The following TMEM120B variants were observed in gnomAD, a reference collection of about 807,000 sequenced individuals.
TMEM120B encodes transmembrane protein 120B.
A neutral mutation model predicts 55.5 loss-of-function variants in TMEM120B; 31 were observed. The ratio of observed to expected loss-of-function variants is 0.56; its 90% CI spans 0.42 to 0.75. The LOEUF (loss-of-function observed/expected upper bound fraction) is 0.75, where lower values mean the gene tolerates loss of function less well. TMEM120B is among the 30% of genes least tolerant of loss of function. The pLI is 0.00. For synonymous variants in TMEM120B, 203 were observed against 176.3 expected (o/e 1.15, Z -1.20); for missense variants, 399 against 425.5 (o/e 0.94, Z 0.55).
At chr12:121,745,208 C>T (rs183226172) in intron 2 of TMEM120B, among the ~76,000 whole-genome samples, 24 of 152,214 alleles carry the variant, frequency 1.6e-4, no homozygotes, top group African/African-American at 4.6e-4. Context: ...GGTCTTAGAC[C>T]AAGGACCCCT....
intron 2 of TMEM120B, among the ~76,000 whole-genome samples, chr12:121,744,931 C>T (rs1243336742): frequency 1.3e-5 from 2 of 152,202 alleles, no homozygotes; most frequent in African/African-American, 4.8e-5. Context: ...AAAAACACAT[C>T]TTGGTAATGG....
rs1221600183 is a variant in TMEM120B, at chr12:121,746,385, C to T, written c.189-1941C>T. Among the ~76,000 whole-genome samples the T allele has an allele frequency of 2.6e-5, 4 of 152,184 alleles. No homozygotes were observed. In the East Asian group the frequency reaches 5.8e-4, roughly 22 times the overall value. On this transcript the variant is annotated intron_variant, in intron 2 of 11. Coordinates refer to ENST00000449592, the MANE Select transcript of TMEM120B (RefSeq NM_001080825.2). ...TATTTTTAGTAGAGACGGGGTTTCTCCATATTGGTCATGCTGGTCTTGAAC... is the reference window on the plus strand; with the variant it reads ...TATTTTTAGTAGAGACGGGGTTTCTTCATATTGGTCATGCTGGTCTTGAAC...
chr12:121,761,663 T>C lies in TMEM120B; in HGVS notation c.476T>C (p.Val159Ala), dbSNP rs771974631. The change falls in exon 6 of 12, where the codon GTC becomes GCC. Residue 159 changes from valine (V) to alanine (A), a missense_variant. Val to Ala is a moderately conservative substitution (Grantham distance 64). Transcript: ENST00000449592. ...FVLHYRVTDE[V>A]FNFLLVWYYC... ...TCCTTGCACAGGGTGACTGACGAAG[T>C]CTTCAACTTCCTGCTGGTGTGGTAT... The C allele has an allele frequency of 5.6e-6, 9 of 1,613,706 alleles. No homozygotes were observed. In the East Asian group the frequency reaches 1.8e-4, roughly 32 times the overall value.
chr12:121,727,074 AAAAT>A (rs1203011983), intron 1 of TMEM120B, among the ~76,000 whole-genome samples: 1 of 152,050 alleles, frequency 6.6e-6, no homozygotes, highest in Non-Finnish European at 1.5e-5. Context: ...ACCCGGTCTC[AAAAT>A]AAATAGATAC....
At chr12:121,757,520 A>ATTAT (rs1566519981) in intron 5 of TMEM120B, among the ~76,000 whole-genome samples, 2 of 98,474 alleles carry the variant, frequency 2.0e-5, no homozygotes, top group East Asian at 2.7e-4. Flanking sequence ...TATTATTATT[A>ATTAT]TTTATTTTTT....
intron 1 of TMEM120B, among the ~76,000 whole-genome samples, chr12:121,724,615 GTTT>G (rs11321046): frequency 1.5e-5 from 2 of 137,662 alleles, no homozygotes; most frequent in African/African-American, 2.7e-5. Flanking sequence ...TAAAAGTTGT[GTTT>G]TTTTTTTTTT....
rs545925847 is a variant in TMEM120B at position 121,732,330 on chromosome 12, G to A, written c.70-11299G>A. 8.6e-4 allele frequency among the ~76,000 whole-genome samples: 131 copies of A among 152,254 alleles called. 1 individual carries two copies. Among genetic ancestry groups the A allele is most frequent in the African/African-American group, 2.8e-3 (117 of 41,560 alleles). On this transcript the variant is annotated intron_variant, in intron 1 of 11. Transcript: ENST00000449592. Reference sequence around the variant, plus strand: ...CCCCTCACTCCATGTTGTCCTCCTCGTGGCTGGCAAATCCTGAGCCTAGAG... The same window carrying A: ...CCCCTCACTCCATGTTGTCCTCCTCATGGCTGGCAAATCCTGAGCCTAGAG...
chr12:121,737,364 G>C (rs1234553872), intron 1 of TMEM120B, among the ~76,000 whole-genome samples: 2 of 152,222 alleles, frequency 1.3e-5, no homozygotes, highest in East Asian at 3.9e-4. Flanking sequence ...AATTAGCTGG[G>C]TGTGGTTGCA....
At position 121,764,526 on chromosome 12, in the gene TMEM120B, A is replaced by C. The variant is rs563623333; in HGVS notation, c.551+2788A>C. Among the ~76,000 whole-genome samples the C allele has an allele frequency of 1.4e-4, 22 of 151,894 alleles. No homozygotes were observed. The South Asian group carries it at 4.6e-3, about 32-fold the overall frequency. ...ACAAGAGTGAAACTCGGTCTAAAAA[A>C]AAATTAGCCAGGCATGGTGGTGTAC... On this transcript the variant is annotated intron_variant, in intron 6 of 11. Transcript: ENST00000449592.
At chr12:121,763,030 T>A (rs1873729651) in intron 6 of TMEM120B, among the ~76,000 whole-genome samples, 1 of 152,150 alleles carries the variant, frequency 6.6e-6, no homozygotes, top group African/African-American at 2.4e-5. Context: ...TCTCAGTCTC[T>A]TTCCTGCCCT....
intron 8 of TMEM120B, among the ~76,000 whole-genome samples, chr12:121,772,152 G>A (rs1347700410): frequency 7.9e-6 from 1 of 125,932 alleles, no homozygotes; most frequent in East Asian, 2.5e-4. Flanking sequence ...TCTTTCTGAT[G>A]GAGTCTTGCT....
intron 1 of TMEM120B, 22 bp from the exon 2 acceptor site, chr12:121,743,607 C>G: frequency 6.3e-7 from 1 of 1,595,304 alleles, no homozygotes. Flanking sequence ...ACACACCCTC[C>G]CCCGGGTCCC....
At chr12:121,773,633 C>T (rs886301538) in intron 9 of TMEM120B, 120 bp downstream of exon 9, 13 of 699,608 alleles carry the variant, frequency 1.9e-5, no homozygotes, top group African/African-American at 9.5e-5. Flanking sequence ...GCCCTTTATC[C>T]GAAGCGCCTT....
At position 121,776,567 on chromosome 12, in the gene TMEM120B, G is replaced by A. The variant is rs546524276; in HGVS notation, c.*845G>A. 2.0e-5 allele frequency: 3 copies of A among 152,360 alleles called. No individual in the cohort carries two copies. The East Asian group carries it at 5.8e-4, about 29-fold the overall frequency. The allele number at this position is 152,360 out of a possible 1,614,324, so 9.4% of individuals were successfully genotyped here. A position where few individuals can be genotyped will look rare whatever the true frequency, so the allele number is the denominator to read the frequency against. On this transcript the variant is annotated 3_prime_UTR_variant, in exon 12 of 12. Transcript: ENST00000449592. ...GGGTGCCTGGCAGGCTCACCCCCAG[G>A]GGCCGCACCCTGAGGCGGGGTCAGA...
Position 121,771,139 on chromosome 12 carries a change from GC to G in TMEM120B, c.617+170del, listed in dbSNP as rs549547120. 3.9e-3 allele frequency among the ~76,000 whole-genome samples: 593 copies of G among 151,218 alleles called. 6 individuals carry two copies. Among genetic ancestry groups the G allele is most frequent in the African/African-American group, 0.013 (548 of 41,332 alleles). On this transcript the variant is annotated intron_variant, in intron 7 of 11. Transcript: ENST00000449592. ...CGCCGGGCTGCGCGGGCCCCACCCA[GC>G]CCGTGAGGGGTTCTCCAGGGAATGG...
At chr12:121,755,839 T>C (rs1390012441) in intron 5 of TMEM120B, among the ~76,000 whole-genome samples, 4 of 152,170 alleles carry the variant, frequency 2.6e-5, no homozygotes, top group Non-Finnish European at 5.9e-5. Context: ...TTGCTATCAG[T>C]TGGGGCAGTT....
chr12:121,766,591 TG>T (rs1873858943), intron 6 of TMEM120B, among the ~76,000 whole-genome samples: 1 of 152,176 alleles, frequency 6.6e-6, no homozygotes, highest in Non-Finnish European at 1.5e-5. Flanking sequence ...GGTGACCTAC[TG>T]ATCTCTGAGA....
chr12:121,779,520 C>T lies in TMEM120B; in HGVS notation c.*3798C>T, dbSNP rs930883517. 6 of 1,612,732 alleles carry T rather than the reference C, an allele frequency of 3.7e-6. No individual in the cohort carries two copies. The highest frequency in any genetic ancestry group is 1.1e-5 in the South Asian group (1 of 91,092). On this transcript the variant is annotated 3_prime_UTR_variant, in exon 12 of 12. Transcript: ENST00000449592. ...GGGTCAGAGCAGCAGGCAGAGCCGG[C>T]GCTTCTTCTGCCGTTGCGCCTTCTT... is the stretch of plus-strand genomic sequence containing the variant.
chr12:121,765,489 C>T (rs192794916), intron 6 of TMEM120B, among the ~76,000 whole-genome samples: 1 of 152,204 alleles, frequency 6.6e-6, no homozygotes, highest in African/African-American at 2.4e-5. Context: ...TTTGAGGTTG[C>T]AATGGAACCA....
Sources: allele counts gnomAD v4.1 joint callset (sites outside exome capture counted in the v4.1 genomes callset), GRCh38; gene constraint gnomAD v4.1.1; transcripts MANE v1.5; gene names NCBI Gene and HGNC (gene_info 2026-07-23, HGNC 2026-07-21).